Variants in WNT7A observed in about 807,000 individuals in gnomAD.
WNT7A encodes the protein protein Wnt-7a.
Under a neutral mutation model 28.2 loss-of-function variants are expected in WNT7A, and 16 were observed. The ratio of observed to expected loss-of-function variants is 0.57; its 90% CI spans 0.38 to 0.86. WNT7A has a LOEUF of 0.86. Ranked by LOEUF, WNT7A falls within the 40% of genes least tolerant of loss-of-function variation. The pLI is 0.00. For missense variants in WNT7A, 411 were observed against 489.7 expected, an observed-to-expected ratio of 0.84 and a Z score of 1.52; for synonymous variants, 190 against 195.9, an observed-to-expected ratio of 0.97 and a Z score of 0.25.
chr3:13,818,949 T>G lies in WNT7A; in HGVS notation c.1045A>C (p.Lys349Gln), dbSNP rs1279590019. The change falls in exon 4 of 4, where the codon AAG becomes CAG. Residue 349 changes from lysine (K) to glutamine (Q), a missense_variant. Physicochemically the swap from Lys to Gln is moderately conservative, Grantham distance 53. Transcript: ENST00000285018. ...GGGTGGTGTGCACACGGGGCTCACTTGCACGTGTACATCTCCGTGCGCTCG... is the reference window on the plus strand; with the variant it reads ...GGGTGGTGTGCACACGGGGCTCACTGGCACGTGTACATCTCCGTGCGCTCG... The part of the protein sequence containing the change: ...CSERTEMYTC[K>Q] 1 of 1,571,036 alleles carries G rather than the reference T, an allele frequency of 6.4e-7. No homozygotes were observed. Among genetic ancestry groups the G allele is most frequent in the South Asian group, 1.2e-5 (1 of 84,222 alleles).
intron 3 of WNT7A, among the ~76,000 whole-genome samples, chr3:13,843,761 C>T (rs1411266864): frequency 6.0e-5 from 9 of 149,194 alleles, no homozygotes; most frequent in African/African-American, 9.8e-5. Context: ...TTTTTTTTTC[C>T]CCTGAGATGG....
At chr3:13,854,953 C>T in intron 2 of WNT7A, 150 bp from the exon 3 acceptor site, 1 of 1,055,582 alleles carries the variant, frequency 9.5e-7, no homozygotes, top group Admixed American at 2.1e-5. Flanking sequence ...AACAAAGCTC[C>T]CTTTTAGGGT....
intron 3 of WNT7A, among the ~76,000 whole-genome samples, chr3:13,830,528 A>G (rs911301976): frequency 2.0e-5 from 3 of 151,788 alleles, no homozygotes; most frequent in Admixed American, 1.3e-4. Flanking sequence ...CCCCTGCTCT[A>G]CCCTGGGAGG....
intron 3 of WNT7A, among the ~76,000 whole-genome samples, chr3:13,849,913 G>A (rs1694600744): frequency 6.6e-6 from 1 of 152,184 alleles, no homozygotes; most frequent in Non-Finnish European, 1.5e-5. Flanking sequence ...TGGGAGAGAA[G>A]CTGCAGACAG....
intron 2 of WNT7A, among the ~76,000 whole-genome samples, chr3:13,874,312 C>T (rs1379384843): frequency 6.6e-6 from 1 of 152,230 alleles, no homozygotes; most frequent in Non-Finnish European, 1.5e-5. Context: ...CCCTTTTCCA[C>T]CAGACTTTTG....
chr3:13,834,004 G>A (rs1353722100), intron 3 of WNT7A, among the ~76,000 whole-genome samples: 1 of 152,178 alleles, frequency 6.6e-6, no homozygotes, highest in Non-Finnish European at 1.5e-5. Flanking sequence ...GCTGTCAACT[G>A]TCACACGGGC....
rs796074905 is a variant in WNT7A, at chr3:13,868,582, G to A, written c.298+6365C>T. ...AGGGGGAGAGAGAGAGAGAGAGAGAGAGAGAGAGGGAGAAAGAAAGAAAGA... is the reference window on the plus strand; with the variant it reads ...AGGGGGAGAGAGAGAGAGAGAGAGAAAGAGAGAGGGAGAAAGAAAGAAAGA... On this transcript the variant is annotated intron_variant, in intron 2 of 3. Transcript: ENST00000285018. Among the ~76,000 whole-genome samples, 156 of 16,890 alleles carry A rather than the reference G, an allele frequency of 9.2e-3. 15 individuals carry two copies. The highest frequency in any genetic ancestry group is 0.056 in the Middle Eastern group (2 of 36). 11.1% of individuals were successfully genotyped at this position (16,890 alleles called of 152,430 possible). A position where few individuals can be genotyped will look rare whatever the true frequency, so the allele number is the denominator to read the frequency against.
At chr3:13,865,536 A>G (rs1477797076) in intron 2 of WNT7A, among the ~76,000 whole-genome samples, 1 of 152,250 alleles carries the variant, frequency 6.6e-6, no homozygotes, top group Non-Finnish European at 1.5e-5. Context: ...AATGGAGCTC[A>G]ATGAAAATGT....
In WNT7A at chr3:13,852,693, G is replaced by A. The variant is rs79602845; in HGVS notation, c.570+1839C>T. Among the ~76,000 whole-genome samples the A allele has an allele frequency of 4.7e-3, 719 of 152,242 alleles. 4 individuals are homozygous for A. The highest frequency in any genetic ancestry group is 0.016 in the African/African-American group (681 of 41,540). On this transcript the variant is annotated intron_variant, in intron 3 of 3. Coordinates refer to ENST00000285018, the MANE Select transcript of WNT7A (RefSeq NM_004625.4). ...GGCTAGGCTGGAAGACCACCTCACC[G>A]TGCTCTGGCTGAGTGGTGTGTGTGG... is the stretch of plus-strand genomic sequence containing the variant.
At chr3:13,867,292 T>G (rs1694926779) in intron 2 of WNT7A, among the ~76,000 whole-genome samples, 1 of 152,060 alleles carries the variant, frequency 6.6e-6, no homozygotes, top group Non-Finnish European at 1.5e-5. Flanking sequence ...TGACTCTGAT[T>G]TCAGTACTCA....
chr3:13,861,502 G>A (rs1559304602), intron 2 of WNT7A, among the ~76,000 whole-genome samples: 1 of 152,236 alleles, frequency 6.6e-6, no homozygotes, highest in Non-Finnish European at 1.5e-5. Context: ...ATGCCACTCC[G>A]TGGCAGCTGA....
chr3:13,842,389 G>T (rs528074192), intron 3 of WNT7A, among the ~76,000 whole-genome samples: 1 of 152,124 alleles, frequency 6.6e-6, no homozygotes, highest in African/African-American at 2.4e-5. Context: ...TAAGGGGACC[G>T]TTGTGCCACT....
At chr3:13,853,770 C>T (rs1265780634) in intron 3 of WNT7A, among the ~76,000 whole-genome samples, 2 of 152,230 alleles carry the variant, frequency 1.3e-5, no homozygotes, top group African/African-American at 4.8e-5. Flanking sequence ...GGGCCACGTG[C>T]TATTCTCTCC....
rs61218971 is a variant in WNT7A at position 13,835,497 on chromosome 3, C to T, written c.571-16074G>A. ...AGCGTCCTCAGCTCCTGCTGGCCTGCCTGGCTCTGGCCACCCCCATGGGGA... is the reference window on the plus strand; with the variant it reads ...AGCGTCCTCAGCTCCTGCTGGCCTGTCTGGCTCTGGCCACCCCCATGGGGA... On this transcript the variant is annotated intron_variant, in intron 3 of 3. Transcript: ENST00000285018. 9.3e-3 allele frequency among the ~76,000 whole-genome samples: 1,417 copies of T among 152,370 alleles called. 19 individuals are homozygous for T. Among genetic ancestry groups the T allele is most frequent in the African/African-American group, 0.032 (1,311 of 41,584 alleles).
intron 2 of WNT7A, among the ~76,000 whole-genome samples, chr3:13,868,773 GAAGGGAGGA>G (rs1395197672): frequency 0.022 from 222 of 10,282 alleles, 7 homozygotes; most frequent in East Asian, 0.082. Context: ...GAAGGGAAGG[GAAGGGAGGA>G]AGGAAGGAAG....
intron 2 of WNT7A, among the ~76,000 whole-genome samples, chr3:13,858,487 ACC>A (rs1694782790): frequency 6.6e-6 from 1 of 152,128 alleles, no homozygotes; most frequent in Non-Finnish European, 1.5e-5. Flanking sequence ...TGGACAGCTA[ACC>A]ACAGATGGCT....
At chr3:13,824,412 T>C (rs1186844525) in intron 3 of WNT7A, among the ~76,000 whole-genome samples, 1 of 152,252 alleles carries the variant, frequency 6.6e-6, no homozygotes, top group Non-Finnish European at 1.5e-5. Context: ...GGTCTGTGCA[T>C]GTTGTAGCAT....
chr3:13,865,429 C>G (rs1223933786), intron 2 of WNT7A, among the ~76,000 whole-genome samples: 2 of 152,130 alleles, frequency 1.3e-5, no homozygotes, highest in East Asian at 1.9e-4. Flanking sequence ...ATTTTTTATC[C>G]CATTTTGAGC....
intron 3 of WNT7A, among the ~76,000 whole-genome samples, chr3:13,838,654 C>G (rs141180053): frequency 6.6e-6 from 1 of 152,224 alleles, no homozygotes; most frequent in Non-Finnish European, 1.5e-5. Context: ...GTTGGAGCCC[C>G]CAAAGTTTTG....
Sources: allele counts gnomAD v4.1 joint callset (sites outside exome capture counted in the v4.1 genomes callset), GRCh38; gene constraint gnomAD v4.1.1; transcripts MANE v1.5; gene names NCBI Gene and HGNC (gene_info 2026-07-23, HGNC 2026-07-21).